Variants in PCNX1 observed in about 807,000 individuals in gnomAD.
PCNX1 encodes the protein pecanex-like protein 1.
PCNX1 carries 78 observed loss-of-function variants against 242.2 expected under a neutral mutation model. That is an observed-to-expected ratio of 0.32 (90% CI 0.27 to 0.39). PCNX1 has a LOEUF of 0.39. Among genes scored for constraint, PCNX1 ranks in the 10% least tolerant of loss-of-function variants. PCNX1 has a pLI of 1.00. For missense variants in PCNX1, 2,581 were observed against 2,856.5 expected (o/e 0.90, Z 2.20); for synonymous variants, 1,024 against 1,032.9 (o/e 0.99, Z 0.17).
At chr14:71,010,285 G>A (rs1361979741) in intron 9 of PCNX1, among the ~76,000 whole-genome samples, 2 of 152,036 alleles carry the variant, frequency 1.3e-5, no homozygotes, top group Non-Finnish European at 2.9e-5. Flanking sequence ...ATTGTATAAT[G>A]TATAAAAGCT....
chr14:70,944,174 G>T (rs1482100715), intron 1 of PCNX1, among the ~76,000 whole-genome samples: 1 of 152,096 alleles, frequency 6.6e-6, no homozygotes, highest in African/African-American at 2.4e-5. Context: ...TCCACAGAAT[G>T]GTAGATCCAA....
chr14:70,946,616 A>G (rs527655589), intron 1 of PCNX1, among the ~76,000 whole-genome samples: 1 of 152,356 alleles, frequency 6.6e-6, no homozygotes, highest in East Asian at 1.9e-4. Context: ...TTATTTCAAC[A>G]TGTAATCAAC....
chr14:71,035,961 G>T (rs913292110), intron 18 of PCNX1, 104 bp from the exon 19 acceptor site: 8 of 722,698 alleles, frequency 1.1e-5, no homozygotes, highest in Middle Eastern at 2.7e-4. Context: ...GACTGAGCTA[G>T]CCAGGCAAAA....
At chr14:71,105,128 G>A (rs778935104) in intron 32 of PCNX1, 107 bp from the exon 33 acceptor site, 41 of 794,594 alleles carry the variant, frequency 5.2e-5, no homozygotes, top group Non-Finnish European at 7.7e-5. Context: ...GACTTTAAAA[G>A]GTGAACATTA....
Position 70,978,198 on chromosome 14 carries a change from A to G in PCNX1, c.1861A>G (p.Ser621Gly), listed in dbSNP as rs760382437. 4 of 1,614,104 alleles carry G rather than the reference A, an allele frequency of 2.5e-6. No individual in the cohort carries two copies. The South Asian group carries it at 4.4e-5, about 18-fold the overall frequency. The change falls in exon 6 of 36, where the codon AGC becomes GGC. Residue 621 changes from serine (S) to glycine (G), a missense_variant. Physicochemically the swap from Ser to Gly is moderately conservative, Grantham distance 56 (BLOSUM62 0). This residue lies in a region of PCNX1 where 1,204 missense variants were observed against 1,216.7 expected (regional missense o/e 0.99). Transcript: ENST00000304743. ...AAGTGTTCAGTCTGCTCACCAGTTC[A>G]GCAGTGATAGCTCTTCTAGCACCAC... ...ASSVQSAHQF[S>G]SDSSSSTTSH... is the part of the protein sequence containing the mutation.
rs1261437469 is a variant in PCNX1, at chr14:71,103,425, G to A, written c.5851G>A (p.Ala1951Thr). 6.2e-7 allele frequency: 1 copy of A among 1,614,166 alleles called. No homozygotes were observed. Among genetic ancestry groups the A allele is most frequent in the Non-Finnish European group, 8.5e-7 (1 of 1,180,020 alleles). Residue 1951 changes from alanine (A) to threonine (T), a missense_variant, in exon 32 of 36, where the codon GCA (alanine) becomes ACA (threonine). This residue lies in a region of PCNX1 where 298 missense variants were observed against 480.1 expected (regional missense o/e 0.62). Transcript: ENST00000304743. ...VNKECVRGLW[A>T]GQQQELVFLR... Reference sequence around the variant, plus strand: ...TAAGGAATGTGTCCGAGGTCTTTGGGCAGGGCAACAGCAGGAGCTTGTTTT... The same window carrying A: ...TAAGGAATGTGTCCGAGGTCTTTGGACAGGGCAACAGCAGGAGCTTGTTTT...
chr14:71,102,102 G>C lies in PCNX1; in HGVS notation c.5702G>C (p.Ser1901Thr), dbSNP rs746087457. 6.2e-7 allele frequency: 1 copy of C among 1,613,812 alleles called. No individual in the cohort carries two copies. The highest frequency in any genetic ancestry group is 1.7e-5 in the Admixed American group (1 of 60,026). The change falls in exon 31 of 36, where the codon AGT (serine) becomes ACT (threonine). Residue 1901 changes from serine to threonine, a missense_variant. Physicochemically the swap from Ser to Thr is moderately conservative, Grantham distance 58. Around this residue, in one of 9 missense-constraint regions of PCNX1, gnomAD observed 298 missense variants for 480.1 expected, o/e 0.62. Coordinates refer to ENST00000304743, the MANE Select transcript of PCNX1 (RefSeq NM_014982.3). ...IAHEGDPAWR[S>T]AVLANSPSLL... is the part of the protein sequence containing the mutation. ...CATGAAGGGGACCCTGCATGGCGGA[G>C]TGCAGTACTTGCCAACTCTCCCTCC...
chr14:70,939,434 G>C (rs2057143588), intron 1 of PCNX1, among the ~76,000 whole-genome samples: 2 of 152,224 alleles, frequency 1.3e-5, no homozygotes, highest in Admixed American at 6.5e-5. Context: ...CCATGTAGTT[G>C]AGTGGTTTTG....
chr14:71,033,919 C>A lies in PCNX1; in HGVS notation c.3669-12C>A. Reference sequence around the variant, plus strand: ...ATCTATGTATTTTCTGTTTTTTTTTCTTCACATAAAGCTCTTTAGTGCAAT... The same window carrying A: ...ATCTATGTATTTTCTGTTTTTTTTTATTCACATAAAGCTCTTTAGTGCAAT... On this transcript the variant is annotated splice_polypyrimidine_tract_variant and intron_variant, in intron 17 of 35. Transcript: ENST00000304743. The A allele has an allele frequency of 1.7e-6, 2 of 1,154,630 alleles. No homozygotes were observed. Among genetic ancestry groups the A allele is most frequent in the Non-Finnish European group, 2.4e-6 (2 of 825,512 alleles). The allele number at this position is 1,154,630 out of a possible 1,614,324, so 71.5% of individuals were successfully genotyped here.
intron 7 of PCNX1, among the ~76,000 whole-genome samples, chr14:70,989,325 A>G (rs2059090269): frequency 6.6e-6 from 1 of 151,716 alleles, no homozygotes; most frequent in African/African-American, 2.4e-5. Flanking sequence ...GTATTGTGGT[A>G]AACAAAAACA....
At chr14:70,985,905 A>T (rs1050929999) in intron 6 of PCNX1, among the ~76,000 whole-genome samples, 3 of 147,824 alleles carry the variant, frequency 2.0e-5, no homozygotes, top group East Asian at 3.9e-4. Flanking sequence ...AAAAGATTAA[A>T]TTTTTTTTTT....
chr14:70,974,289 G>A (rs1036106522), intron 5 of PCNX1, among the ~76,000 whole-genome samples: 4 of 148,000 alleles, frequency 2.7e-5, no homozygotes, highest in African/African-American at 1.0e-4. Flanking sequence ...TGTTGCCCAG[G>A]ATGGAGTGTG....
intron 17 of PCNX1, 63 bp from the exon 18 acceptor site, chr14:71,033,868 C>G: frequency 2.4e-6 from 2 of 841,604 alleles, no homozygotes; most frequent in South Asian, 3.0e-5. Context: ...ACTTCATTGC[C>G]CGTTTGAATT....
intron 30 of PCNX1, among the ~76,000 whole-genome samples, chr14:71,097,255 G>A (rs562859716): frequency 2.0e-5 from 3 of 152,194 alleles, no homozygotes; most frequent in African/African-American, 7.2e-5. Context: ...TGCTATTGTT[G>A]ATAGTGTTGC....
chr14:71,056,875 T>C (rs10147068), intron 25 of PCNX1, among the ~76,000 whole-genome samples: 82,716 of 151,650 alleles, frequency 0.55, 23,650 homozygotes, highest in East Asian at 0.74. Context: ...GACAGGGTTT[T>C]GCCATGTTGG....
chr14:70,940,890 A>G (rs981351021), intron 1 of PCNX1, among the ~76,000 whole-genome samples: 2 of 152,032 alleles, frequency 1.3e-5, no homozygotes, highest in Non-Finnish European at 2.9e-5. Context: ...TCAATCACTG[A>G]TACCCTTTCT....
chr14:71,024,239 T>C (rs1243947948), intron 13 of PCNX1, among the ~76,000 whole-genome samples: 1 of 152,164 alleles, frequency 6.6e-6, no homozygotes, highest in East Asian at 1.9e-4. Context: ...TTTATGTTAG[T>C]TAATTCAAGA....
At chr14:71,029,333 T>A (rs2060320633) in intron 16 of PCNX1, among the ~76,000 whole-genome samples, 1 of 152,212 alleles carries the variant, frequency 6.6e-6, no homozygotes, top group Non-Finnish European at 1.5e-5. Context: ...TTTCAGCTCC[T>A]CATGCATACT....
intron 7 of PCNX1, among the ~76,000 whole-genome samples, chr14:70,992,573 C>T (rs2059200528): frequency 6.6e-6 from 1 of 152,064 alleles, no homozygotes; most frequent in East Asian, 1.9e-4. Flanking sequence ...CAGAATGTGT[C>T]AAGTGCCAAT....
Sources: allele counts gnomAD v4.1 joint callset (sites outside exome capture counted in the v4.1 genomes callset), GRCh38; gene constraint gnomAD v4.1.1; regional missense constraint gnomAD v4.1.1; transcripts MANE v1.5; gene names NCBI Gene and HGNC (gene_info 2026-07-23, HGNC 2026-07-21).